The following AATF variants were observed in gnomAD, a reference collection of about 807,000 sequenced individuals.
The protein encoded by AATF is apoptosis antagonizing transcription factor, also known as protein AATF.
AATF carries 48 observed loss-of-function variants against 63.7 expected under a neutral mutation model. The observed-to-expected ratio is 0.75, with a 90% CI of 0.60 to 0.96. The LOEUF (loss-of-function observed/expected upper bound fraction) is 0.96. Ranked by LOEUF, AATF falls within the 40% of genes least tolerant of loss-of-function variation. The pLI, the probability that AATF is intolerant of heterozygous loss-of-function variation, is 0.00. For synonymous variants in AATF, 258 were observed against 247.7 expected, an observed-to-expected ratio of 1.04 and a Z score of -0.39; for missense variants, 639 against 685.7, an observed-to-expected ratio of 0.93 and a Z score of 0.76.
chr17:37,001,411 GGA>G (rs2071294740), intron 8 of AATF, among the ~76,000 whole-genome samples: 5,494 of 106,146 alleles, frequency 0.052, 684 homozygotes, highest in African/African-American at 0.16. Flanking sequence ...GAGGGAGGAA[GGA>G]AGGAAGGAAG....
rs775439624 is a variant in AATF, at chr17:36,990,874, C to T, written c.1398+17C>T. On this transcript the variant is annotated intron_variant, in intron 8 of 11. Transcript: ENST00000619387. ...TACCACCAGGTGAGACTTTTACACT[C>T]TCTTGTTACAAATCATGTTTTAGCA... The T allele has an allele frequency of 6.6e-6, 10 of 1,507,188 alleles. No homozygotes were observed. The Admixed American group carries it at 2.3e-4, about 35-fold the overall frequency. 93.4% of individuals were successfully genotyped at this position (1,507,188 alleles called of 1,614,324 possible). A position where few individuals can be genotyped will look rare whatever the true frequency, so the allele number is the denominator to read the frequency against.
intron 4 of AATF, among the ~76,000 whole-genome samples, chr17:36,973,350 T>C (rs1486994280): frequency 2.0e-5 from 3 of 152,216 alleles, no homozygotes; most frequent in East Asian, 1.9e-4. Flanking sequence ...AAAGCCAGTG[T>C]AGAAACTGAG....
intron 4 of AATF, among the ~76,000 whole-genome samples, chr17:36,956,661 GA>G (rs1276236888): frequency 6.8e-6 from 1 of 148,032 alleles, no homozygotes; most frequent in Non-Finnish European, 1.5e-5. Context: ...CAACAAGAGT[GA>G]AACTCCGTCT....
intron 8 of AATF, among the ~76,000 whole-genome samples, chr17:36,991,372 G>A (rs2071213431): frequency 6.6e-6 from 1 of 152,144 alleles, no homozygotes; most frequent in South Asian, 2.1e-4. Flanking sequence ...TAAGAGCATA[G>A]TGCTTTTGAA....
chr17:37,007,419 G>A (rs546656125), intron 8 of AATF, among the ~76,000 whole-genome samples: 3 of 139,498 alleles, frequency 2.2e-5, no homozygotes, highest in Admixed American at 1.5e-4. Context: ...GCCTAGGCTG[G>A]TCTCAAACTA....
chr17:37,011,549 G>C (rs968377537), intron 8 of AATF, among the ~76,000 whole-genome samples: 2 of 152,200 alleles, frequency 1.3e-5, no homozygotes, highest in African/African-American at 4.8e-5. Flanking sequence ...TTGAAGCCTT[G>C]AGAACAGAAG....
chr17:36,951,488 A>G (rs931152580), intron 2 of AATF, among the ~76,000 whole-genome samples: 4 of 152,234 alleles, frequency 2.6e-5, no homozygotes, highest in African/African-American at 9.6e-5. Flanking sequence ...TTTTATAAAA[A>G]ATTATCACCA....
intron 4 of AATF, among the ~76,000 whole-genome samples, chr17:36,985,976 T>G (rs2071165787): frequency 6.6e-6 from 1 of 152,200 alleles, no homozygotes. Context: ...GCCCAAATTT[T>G]TAATATACAA....
chr17:37,013,880 A>G (rs1057354164), intron 8 of AATF, among the ~76,000 whole-genome samples: 3 of 152,026 alleles, frequency 2.0e-5, no homozygotes, highest in African/African-American at 7.3e-5. Context: ...ACATGCCTTG[A>G]ATATATAAAA....
chr17:37,000,343 A>AT (rs2071284579), intron 8 of AATF, among the ~76,000 whole-genome samples: 1 of 152,118 alleles, frequency 6.6e-6, no homozygotes, highest in Admixed American at 6.6e-5. Context: ...AGTTGGAGGG[A>AT]TTAAGTTGCT....
intron 10 of AATF, among the ~76,000 whole-genome samples, chr17:37,026,808 A>G (rs2071514454): frequency 6.6e-6 from 1 of 152,202 alleles, no homozygotes. Flanking sequence ...AGGCACCAGA[A>G]TGACATCTTG....
At chr17:36,952,014 A>G (rs1163996654) in intron 2 of AATF, among the ~76,000 whole-genome samples, 1 of 152,246 alleles carries the variant, frequency 6.6e-6, no homozygotes, top group Admixed American at 6.5e-5. Flanking sequence ...TACTCTAAGC[A>G]TAAGTCAAAC....
chr17:37,013,943 C>T (rs1342190019), intron 8 of AATF, among the ~76,000 whole-genome samples: 1 of 152,086 alleles, frequency 6.6e-6, no homozygotes, highest in Non-Finnish European at 1.5e-5. Context: ...AGACCTCATC[C>T]TAGAGCTCTC....
At chr17:36,979,171 C>A (rs924124111) in intron 4 of AATF, among the ~76,000 whole-genome samples, 3 of 151,952 alleles carry the variant, frequency 2.0e-5, no homozygotes, top group East Asian at 3.9e-4. Flanking sequence ...AAAATTCTTA[C>A]CAGATGATTG....
intron 10 of AATF, among the ~76,000 whole-genome samples, chr17:37,021,819 AAATAATAATAAT>A (rs909047085): frequency 1.0e-5 from 1 of 96,530 alleles, no homozygotes; most frequent in African/African-American, 7.3e-5. Context: ...AAAAAAAAAA[AAATAATAATAAT>A]AATAATAATA....
intron 11 of AATF, chr17:37,056,278 GGATGGCGGTCTCCTACATCCTAT>G (rs2071797214): frequency 3.8e-6 from 1 of 263,002 alleles, no homozygotes; most frequent in Non-Finnish European, 7.2e-6. Context: ...CCTCCTCATC[GGATGGCGGTCTCCTACATCCTAT>G]TAAAATATTC....
intron 11 of AATF, chr17:37,043,143 C>T (rs2071657272): frequency 6.6e-6 from 1 of 152,128 alleles, no homozygotes; most frequent in Non-Finnish European, 1.5e-5. Flanking sequence ...ATTCACCTTC[C>T]TCCAATATCA....
chr17:36,984,712 T>C (rs1294761537), intron 4 of AATF, among the ~76,000 whole-genome samples: 2 of 152,094 alleles, frequency 1.3e-5, no homozygotes, highest in African/African-American at 2.4e-5. Flanking sequence ...TGTAGTTCAC[T>C]GTAACTTCAA....
In AATF at chr17:37,033,961, C is replaced by T. The variant is rs148039736; in HGVS notation, c.1619+2276C>T. 1.0e-3 allele frequency: 162 copies of T among 154,394 alleles called. 2 individuals carry two copies. Among genetic ancestry groups the T allele is most frequent in the South Asian group, 8.2e-4 (4 of 4,882 alleles). 9.6% of individuals were successfully genotyped at this position (154,394 alleles called of 1,614,324 possible). ...GCCAGAACTGTGTTATGTTGCCACT[C>T]CAGGTAGAGCAAGCAAGGGAGAAGG... is the stretch of plus-strand genomic sequence containing the variant. On this transcript the variant is annotated intron_variant, in intron 11 of 11. Transcript: ENST00000619387.
Sources: gnomAD v4.1 joint callset for allele counts (sites outside exome capture counted in the v4.1 genomes callset) on GRCh38, gnomAD v4.1.1 for gene constraint, MANE v1.5 for transcripts, NCBI Gene and HGNC (gene_info 2026-07-23, HGNC 2026-07-21) for gene names.